CDS1: variants seen among roughly 807,000 people sequenced by gnomAD.
CDS1 encodes CDP-diacylglycerol synthase 1.
In CDS1, 41 loss-of-function variants were observed where a neutral mutation model predicts 62.1. The ratio of observed to expected loss-of-function variants is 0.66; its 90% confidence interval spans 0.51 to 0.86. The LOEUF is 0.86. CDS1 is among the 40% of genes least tolerant of loss of function. The pLI is 0.00. For synonymous variants in CDS1, 185 were observed against 192.6 expected (o/e 0.96, Z 0.32); for missense variants, 470 against 550.1 (o/e 0.85, Z 1.46).
In CDS1 at chr4:84,631,800, GT is replaced by G; in HGVS notation, c.581-13del. 1 of 1,607,448 alleles carries G rather than the reference GT, an allele frequency of 6.2e-7. No homozygotes were observed. Among genetic ancestry groups the G allele is most frequent in the Non-Finnish European group, 8.5e-7 (1 of 1,174,560 alleles). On this transcript the variant is annotated intron_variant, in intron 5 of 12. Transcript: ENST00000295887. ...GTACCAAATTGTACAACGAGCACAT[GT>G]TTTTTGTTCTTGAACAGGTTTCTGC...
At chr4:84,588,926 CAGTTT>C (rs977988634) in intron 1 of CDS1, among the ~76,000 whole-genome samples, 46 of 152,260 alleles carry the variant, frequency 3.0e-4, no homozygotes, top group Admixed American at 2.7e-3. Context: ...TTTATAAAGG[CAGTTT>C]AGTTTAGGGA....
In CDS1 at chr4:84,618,088, C is replaced by A. The variant is rs543453396; in HGVS notation, c.440+427C>A. On this transcript the variant is annotated intron_variant, in intron 4 of 12. Coordinates refer to ENST00000295887, the MANE Select transcript of CDS1 (RefSeq NM_001263.4). ...ATACAAATGCACATAAAGTTAGTAA[C>A]AAAATCACCATAATGATATTAACAT... 2.7e-3 allele frequency among the ~76,000 whole-genome samples: 415 copies of A among 152,088 alleles called. 4 individuals carry two copies. Among genetic ancestry groups the A allele is most frequent in the African/African-American group, 9.4e-3 (391 of 41,508 alleles).
chr4:84,629,719 T>A (rs1368453491), intron 5 of CDS1, among the ~76,000 whole-genome samples: 1 of 152,178 alleles, frequency 6.6e-6, no homozygotes, highest in East Asian at 1.9e-4. Context: ...ATTATCTTAC[T>A]GTATCTAGGA....
chr4:84,607,277 G>A (rs968620687), intron 2 of CDS1, among the ~76,000 whole-genome samples: 1 of 152,132 alleles, frequency 6.6e-6, no homozygotes, highest in Admixed American at 6.5e-5. Context: ...TTGAAAGCAA[G>A]GAATGTAATC....
chr4:84,592,154 A>ATTTTTTTT (rs72236126), intron 1 of CDS1, among the ~76,000 whole-genome samples: 6 of 86,044 alleles, frequency 7.0e-5, no homozygotes, highest in African/African-American at 1.4e-4. Context: ...TTAATGACCA[A>ATTTTTTTT]TTTTTTTTTT....
In CDS1 at chr4:84,648,841, CACTT is replaced by C. The variant is rs1724630526; in HGVS notation, c.*160_*163del. On this transcript the variant is annotated 3_prime_UTR_variant, in exon 13 of 13. Coordinates refer to ENST00000295887, the MANE Select transcript of CDS1 (RefSeq NM_001263.4). ...GAAATTACTGTGAATATTTAACAAA[CACTT>C]ACTTGATCTATGTTATGAAATAAGT... 4 of 679,924 alleles carry C rather than the reference CACTT, an allele frequency of 5.9e-6. 1 individual carries two copies. In the South Asian group the frequency reaches 8.0e-5, roughly 14 times the overall value. 42.1% of individuals were successfully genotyped at this position (679,924 alleles called of 1,614,324 possible).
rs1722318140 is a variant in CDS1, at chr4:84,583,505, G to A, written c.104G>A (p.Ser35Asn). 2 of 1,530,438 alleles carry A rather than the reference G, an allele frequency of 1.3e-6. No homozygotes were observed. The highest frequency in any genetic ancestry group is 1.4e-5 in the African/African-American group (1 of 70,140). The allele number at this position is 1,530,438 out of a possible 1,614,324, so 94.8% of individuals were successfully genotyped here. The stretch of plus-strand genomic sequence containing the variant: ...GCCGGCGGCGACCACGAAACCGAGA[G>A]CACCAGCGACAAAGTAAGTGGAGCC... ...EAAGGDHETESTSDKETDIDD... is the reference protein window; with the variant it reads ...EAAGGDHETENTSDKETDIDD... Residue 35 changes from serine to asparagine, a missense_variant, in exon 1 of 13, where the codon AGC becomes AAC. Physicochemically the swap from Ser to Asn is conservative, Grantham distance 46. This residue lies in a region of CDS1 where 150 missense variants were observed against 142.0 expected (regional missense o/e 1.06). Coordinates refer to ENST00000295887, the MANE Select transcript of CDS1 (RefSeq NM_001263.4).
Position 84,636,814 on chromosome 4 carries a change from C to T in CDS1, c.810+1463C>T, listed in dbSNP as rs1437497903. On this transcript the variant is annotated intron_variant, in intron 8 of 12. Transcript: ENST00000295887. Reference sequence around the variant, plus strand: ...TGCTGGGATTACAGGCGTGAGCCACCACACCCGGCCTAAAAGAGCTTTTCA... The same window carrying T: ...TGCTGGGATTACAGGCGTGAGCCACTACACCCGGCCTAAAAGAGCTTTTCA... 2.6e-5 allele frequency among the ~76,000 whole-genome samples: 4 copies of T among 152,180 alleles called. No homozygotes were observed. The South Asian group carries it at 6.2e-4, about 24-fold the overall frequency.
chr4:84,604,146 A>G (rs544049574), intron 1 of CDS1, 97 bp from the exon 2 acceptor site: 16 of 976,654 alleles, frequency 1.6e-5, no homozygotes, highest in Non-Finnish European at 2.3e-5. Flanking sequence ...AGATTATGTC[A>G]CTGAGATTTG....
chr4:84,648,678 A>G lies in CDS1; in HGVS notation c.1378A>G (p.Lys460Glu). ...IEKGILQPTL[K>E]V is the part of the protein sequence containing the mutation. ...GAAAGGAATCCTACAACCCACCTTG[A>G]AGGTATAACTGGATCCAGAGAGGGA... The change falls in exon 13 of 13, where the codon AAG becomes GAG. Residue 460 changes from lysine to glutamate, a missense_variant. Lys to Glu is a moderately conservative substitution (Grantham distance 56). Coordinates refer to ENST00000295887, the MANE Select transcript of CDS1 (RefSeq NM_001263.4). The G allele has an allele frequency of 1.2e-6, 2 of 1,612,886 alleles. No homozygotes were observed. Among genetic ancestry groups the G allele is most frequent in the East Asian group, 2.2e-5 (1 of 44,840 alleles).
Position 84,638,913 on chromosome 4 carries a change from C to T in CDS1, c.811-11C>T. The stretch of plus-strand genomic sequence containing the variant: ...CAGTAAAGCTTTTTAATTTTATTTG[C>T]CCTTTTTTAGTTGTCTCCTAAAAAG... On this transcript the variant is annotated splice_polypyrimidine_tract_variant and intron_variant, in intron 8 of 12. Transcript: ENST00000295887. 1 of 1,439,302 alleles carries T rather than the reference C, an allele frequency of 6.9e-7. No homozygotes were observed. The highest frequency in any genetic ancestry group is 1.4e-5 in the South Asian group (1 of 69,736). 89.2% of individuals were successfully genotyped at this position (1,439,302 alleles called of 1,614,324 possible).
At chr4:84,590,403 A>G (rs1722557734) in intron 1 of CDS1, among the ~76,000 whole-genome samples, 1 of 152,216 alleles carries the variant, frequency 6.6e-6, no homozygotes, top group Non-Finnish European at 1.5e-5. Context: ...CGGGTTAGGA[A>G]TGGTAGTTAA....
At chr4:84,590,388 A>G (rs1253834339) in intron 1 of CDS1, among the ~76,000 whole-genome samples, 4 of 152,216 alleles carry the variant, frequency 2.6e-5, no homozygotes, top group African/African-American at 9.6e-5. Context: ...ATAGTAAGCT[A>G]TGTGCGGGTT....
chr4:84,620,772 A>C (rs1029162651), intron 5 of CDS1, among the ~76,000 whole-genome samples: 1 of 151,798 alleles, frequency 6.6e-6, no homozygotes, highest in African/African-American at 2.4e-5. Context: ...AAACAGTGAG[A>C]TATTTGGGCT....
chr4:84,603,653 G>A (rs552447962), intron 1 of CDS1, among the ~76,000 whole-genome samples: 3 of 152,266 alleles, frequency 2.0e-5, no homozygotes, highest in African/African-American at 7.2e-5. Flanking sequence ...GCACTCAGAA[G>A]TCGGTTTGTG....
chr4:84,618,075 A>T (rs1723556175), intron 4 of CDS1, among the ~76,000 whole-genome samples: 1 of 152,176 alleles, frequency 6.6e-6, no homozygotes, highest in South Asian at 2.1e-4. Flanking sequence ...ACAAATGCAC[A>T]TAAAGTTAGT....
intron 1 of CDS1, among the ~76,000 whole-genome samples, chr4:84,599,454 C>G (rs1011440066): frequency 9.2e-6 from 1 of 108,840 alleles, no homozygotes; most frequent in Non-Finnish European, 1.9e-5. Context: ...ATATATATGC[C>G]TATGAAGCCA....
chr4:84,583,624 C>G, intron 1 of CDS1, 106 bp downstream of exon 1: 1 of 630,350 alleles, frequency 1.6e-6, no homozygotes, highest in Non-Finnish European at 2.6e-6. Context: ...GGTGAGGCTG[C>G]ACGCTGCCGG....
intron 1 of CDS1, among the ~76,000 whole-genome samples, chr4:84,598,304 T>C (rs1328335638): frequency 6.6e-6 from 1 of 152,014 alleles, no homozygotes; most frequent in Non-Finnish European, 1.5e-5. Flanking sequence ...TTTGGCTTAA[T>C]TGCAAATCTT....
Sources: gnomAD v4.1 joint callset for allele counts (sites outside exome capture counted in the v4.1 genomes callset) on GRCh38, gnomAD v4.1.1 for gene constraint, gnomAD v4.1.1 regional missense constraint, MANE v1.5 for transcripts, NCBI Gene and HGNC (gene_info 2026-07-23, HGNC 2026-07-21) for gene names.